SIPA1L1: variants seen among roughly 807,000 people sequenced by gnomAD.
SIPA1L1 encodes the protein signal induced proliferation associated 1 like 1, also known as signal-induced proliferation-associated 1-like protein 1.
In SIPA1L1, 26 loss-of-function variants were observed where a neutral mutation model predicts 162.7. The ratio of observed to expected loss-of-function variants is 0.16; its 90% CI spans 0.12 to 0.22. The LOEUF (loss-of-function observed/expected upper bound fraction) is 0.22, where lower values mean the gene tolerates loss of function less well. SIPA1L1 is among the 10% of genes least tolerant of loss of function. The probability of loss-of-function intolerance (pLI) is 1.00; values close to 1 mark genes in which losing one functional copy is unlikely to be tolerated. For missense variants in SIPA1L1, 1,874 were observed against 2,241.0 expected (o/e 0.84, Z 3.31); for synonymous variants, 829 against 837.4 (o/e 0.99, Z 0.17).
chr14:71,564,184 A>G (rs1391707163), intron 4 of SIPA1L1, among the ~76,000 whole-genome samples: 3 of 152,092 alleles, frequency 2.0e-5, no homozygotes, highest in South Asian at 2.1e-4. Context: ...CCTGGGCTCA[A>G]TCGATCCTCT....
At chr14:71,403,599 C>CAAAAAAAAAAAAAAAAAAAAAAAAA (rs147285643) in intron 2 of SIPA1L1, among the ~76,000 whole-genome samples, 1 of 69,298 alleles carries the variant, frequency 1.4e-5, no homozygotes, top group African/African-American at 5.6e-5. Context: ...GACTCTGTCT[C>CAAAAAAAAAAAAAAAAAAAAAAAAA]AAAAAAAAAA....
Position 71,671,462 on chromosome 14 carries a change from G to A in SIPA1L1, c.2599G>A (p.Asp867Asn), listed in dbSNP as rs371068386. The change falls in exon 11 of 24, where the codon GAC becomes AAC. Residue 867 changes from aspartate (D) to asparagine (N), a missense_variant. Physicochemically the swap from Asp to Asn is conservative, Grantham distance 23. Transcript: ENST00000381232. ...CATTGTATGGGCAGTCCGGGCTGAAGACTACAACAAGGCCATGGAACTAGA... is the reference window on the plus strand; with the variant it reads ...CATTGTATGGGCAGTCCGGGCTGAAAACTACAACAAGGCCATGGAACTAGA... ...GAIVWAVRAE[D>N]YNKAMELDCL... is the part of the protein sequence containing the mutation. 5 of 1,614,042 alleles carry A rather than the reference G, an allele frequency of 3.1e-6. No individual in the cohort carries two copies. In the African/African-American group the frequency reaches 6.7e-5, roughly 22 times the overall value.
Position 71,378,481 on chromosome 14 carries a change from T to C in SIPA1L1, c.-465+57300T>C, listed in dbSNP as rs149445138. 2.9e-3 allele frequency among the ~76,000 whole-genome samples: 445 copies of C among 152,306 alleles called. 4 individuals are homozygous for C. The Middle Eastern group carries it at 0.048, about 16-fold the overall frequency. Reference sequence around the variant, plus strand: ...GGGGATTTTCTTAGATATCCTGTTATTGATTTCTAATTTAATTCTGTTGTG... The same window carrying C: ...GGGGATTTTCTTAGATATCCTGTTACTGATTTCTAATTTAATTCTGTTGTG... On this transcript the variant is annotated intron_variant, in intron 2 of 23. Transcript: ENST00000381232.
intron 12 of SIPA1L1, among the ~76,000 whole-genome samples, chr14:71,674,674 C>T (rs2044928065): frequency 6.6e-6 from 1 of 150,870 alleles, no homozygotes; most frequent in South Asian, 2.1e-4. Flanking sequence ...ACGCCATTCT[C>T]CTGCCTCAGC....
At chr14:71,738,349 A>T in intron 23 of SIPA1L1, 24 bp downstream of exon 23, 2 of 1,537,170 alleles carry the variant, frequency 1.3e-6, no homozygotes, top group East Asian at 4.5e-5. Flanking sequence ...CTCAAAGCAA[A>T]TTGTCCAGTC....
At chr14:71,500,101 T>C (rs925874044) in intron 2 of SIPA1L1, among the ~76,000 whole-genome samples, 1 of 152,186 alleles carries the variant, frequency 6.6e-6, no homozygotes, top group Non-Finnish European at 1.5e-5. Context: ...TGTTTGAGTG[T>C]CATTGAGATT....
chr14:71,385,686 CTTT>C (rs532140419), intron 2 of SIPA1L1, among the ~76,000 whole-genome samples: 41 of 112,374 alleles, frequency 3.6e-4, no homozygotes, highest in Admixed American at 6.8e-4. Context: ...TTTGTACATT[CTTT>C]TTTTTTTTTT....
chr14:71,483,820 A>G (rs1012968572), intron 2 of SIPA1L1, among the ~76,000 whole-genome samples: 9 of 152,228 alleles, frequency 5.9e-5, no homozygotes, highest in Admixed American at 4.6e-4. Context: ...TTGCTCAACC[A>G]TATCATCTAT....
chr14:71,653,960 A>G (rs2042847631), intron 8 of SIPA1L1, among the ~76,000 whole-genome samples: 2 of 152,216 alleles, frequency 1.3e-5, no homozygotes, highest in Admixed American at 6.5e-5. Flanking sequence ...AGAATGAAGT[A>G]TAGCAAAGCC....
intron 4 of SIPA1L1, among the ~76,000 whole-genome samples, chr14:71,561,587 T>TTTTCTTTCTTTTTGAGATGGAG (rs2056794596): frequency 6.6e-6 from 1 of 152,218 alleles, no homozygotes; most frequent in Non-Finnish European, 1.5e-5. Flanking sequence ...AGGCTAAATA[T>TTTTCTTTCTTTTTGAGATGGAG]TTTCTTTCTT....
intron 2 of SIPA1L1, chr14:71,321,474 T>G (rs2032941303): frequency 6.6e-6 from 1 of 152,592 alleles, no homozygotes; most frequent in South Asian, 2.1e-4. Context: ...TCCGGGCGGT[T>G]GCGTCCACCC....
intron 22 of SIPA1L1, among the ~76,000 whole-genome samples, chr14:71,735,951 T>C (rs1053465792): frequency 1.3e-5 from 2 of 152,258 alleles, no homozygotes; most frequent in Admixed American, 6.5e-5. Context: ...GACCGACTTT[T>C]CTGTTTTCCC....
At chr14:71,693,203 C>A (rs191377619) in intron 13 of SIPA1L1, among the ~76,000 whole-genome samples, 2 of 152,238 alleles carry the variant, frequency 1.3e-5, no homozygotes, top group Non-Finnish European at 2.9e-5. Context: ...TATATTGGCG[C>A]TCAAAAAGTT....
chr14:71,394,389 G>T (rs2041017699), intron 2 of SIPA1L1, among the ~76,000 whole-genome samples: 1 of 152,210 alleles, frequency 6.6e-6, no homozygotes, highest in Admixed American at 6.5e-5. Flanking sequence ...AAAATGGTTT[G>T]AAGTTACCAG....
intron 2 of SIPA1L1, among the ~76,000 whole-genome samples, chr14:71,491,741 AG>A (rs1298047086): frequency 7.3e-6 from 1 of 137,182 alleles, no homozygotes; most frequent in Non-Finnish European, 1.5e-5. Flanking sequence ...CCACCGTTTC[AG>A]GCTTAATGTT....
intron 2 of SIPA1L1, among the ~76,000 whole-genome samples, chr14:71,385,749 G>A (rs1316700334): frequency 6.9e-6 from 1 of 145,796 alleles, no homozygotes; most frequent in Admixed American, 7.0e-5. Flanking sequence ...GTGCAGTGGC[G>A]CAATCTCGGC....
At chr14:71,405,925 G>T (rs556908677) in intron 2 of SIPA1L1, among the ~76,000 whole-genome samples, 2 of 152,292 alleles carry the variant, frequency 1.3e-5, no homozygotes, top group Admixed American at 6.5e-5. Context: ...TTAAGCAGGG[G>T]AATAGTAAGA....
intron 2 of SIPA1L1, among the ~76,000 whole-genome samples, chr14:71,451,187 A>G (rs1184400143): frequency 1.3e-5 from 2 of 152,132 alleles, no homozygotes; most frequent in African/African-American, 4.8e-5. Flanking sequence ...TATGCAAAAT[A>G]AAAAAGTTGA....
intron 2 of SIPA1L1, among the ~76,000 whole-genome samples, chr14:71,412,394 A>T (rs1227634554): frequency 2.6e-5 from 4 of 152,200 alleles, no homozygotes; most frequent in African/African-American, 9.7e-5. Flanking sequence ...CAGGGAAGCC[A>T]AAAGATTGGA....
Sources: gnomAD v4.1 joint callset for allele counts (sites outside exome capture counted in the v4.1 genomes callset) on GRCh38, gnomAD v4.1.1 for gene constraint, MANE v1.5 for transcripts, NCBI Gene and HGNC (gene_info 2026-07-23, HGNC 2026-07-21) for gene names.